The following DPP6 variants were observed in gnomAD, a reference collection of about 807,000 sequenced individuals.
DPP6 encodes the protein A-type potassium channel modulatory protein DPP6.
DPP6 carries 69 observed loss-of-function variants against 122.6 expected under a neutral mutation model. The observed-to-expected ratio is 0.56, with a 90% CI of 0.46 to 0.69. DPP6 has a LOEUF of 0.69. Among genes scored for constraint, DPP6 ranks in the 30% least tolerant of loss-of-function variants. The pLI, the probability that DPP6 is intolerant of heterozygous loss-of-function variation, is 0.00. For synonymous variants in DPP6, 418 were observed against 433.1 expected (o/e 0.97, Z 0.43); for missense variants, 928 against 1,116.9 (o/e 0.83, Z 2.41).
chr7:153,995,588 C>CA (rs55905154), intron 1 of DPP6, among the ~76,000 whole-genome samples: 26,158 of 88,942 alleles, frequency 0.29, 5,045 homozygotes, highest in East Asian at 0.53. Flanking sequence ...GACTCCGTCT[C>CA]AAAAAAAAAA....
intron 1 of DPP6, among the ~76,000 whole-genome samples, chr7:154,068,538 T>C (rs918390593): frequency 3.7e-5 from 4 of 108,156 alleles, no homozygotes; most frequent in Admixed American, 9.6e-5. Context: ...GCAGCTGGTG[T>C]CTGCAGGGAG....
chr7:154,595,015 T>A (rs980103615), intron 5 of DPP6, among the ~76,000 whole-genome samples: 14 of 151,484 alleles, frequency 9.2e-5, no homozygotes, highest in Non-Finnish European at 4.4e-5. Context: ...TATCATTGAT[T>A]TTTTTTTTGG....
At chr7:154,147,071 T>G (rs1470212549) in intron 1 of DPP6, among the ~76,000 whole-genome samples, 1 of 152,160 alleles carries the variant, frequency 6.6e-6, no homozygotes, top group Non-Finnish European at 1.5e-5. Context: ...TGTTTGTCAT[T>G]TCTCCTGTCT....
chr7:154,440,937 G>T (rs1032391299), intron 1 of DPP6, among the ~76,000 whole-genome samples: 1 of 152,186 alleles, frequency 6.6e-6, no homozygotes, highest in Non-Finnish European at 1.5e-5. Flanking sequence ...TTAGGAGGAG[G>T]CTTTGGTTGA....
At chr7:153,838,238 G>A in the DPP6 span, among the ~76,000 whole-genome samples, 1 of 152,132 alleles carries the variant, frequency 6.6e-6, no homozygotes, top group African/African-American at 2.4e-5. Flanking sequence ...CCAAGCAGCA[G>A]TTGACTGTTG....
intron 8 of DPP6, among the ~76,000 whole-genome samples, chr7:154,750,884 G>A (rs903272678): frequency 8.9e-4 from 136 of 152,284 alleles, no homozygotes; most frequent in African/African-American, 3.1e-3. Context: ...GGAGAAGGAC[G>A]GCTCAGGTGA....
chr7:154,311,433 T>C (rs1054817389), intron 1 of DPP6, among the ~76,000 whole-genome samples: 4 of 151,730 alleles, frequency 2.6e-5, no homozygotes, highest in African/African-American at 9.7e-5. Flanking sequence ...GGAGGTCAAG[T>C]TTGCAGTGAG....
intron 3 of DPP6, among the ~76,000 whole-genome samples, chr7:154,502,503 G>A (rs927299319): frequency 6.6e-6 from 1 of 152,122 alleles, no homozygotes; most frequent in African/African-American, 2.4e-5. Flanking sequence ...AGTCTCATGG[G>A]ATCTGAGGGT....
intron 10 of DPP6, among the ~76,000 whole-genome samples, chr7:154,793,218 A>G (rs927785995): frequency 3.3e-5 from 5 of 152,218 alleles, no homozygotes; most frequent in Non-Finnish European, 5.9e-5. Context: ...TAGATAGAGA[A>G]GGGGTGAATG....
chr7:154,827,225 C>A (rs190488096), intron 16 of DPP6, among the ~76,000 whole-genome samples: 75 of 151,686 alleles, frequency 4.9e-4, no homozygotes, highest in African/African-American at 1.6e-3. Context: ...CACACACACA[C>A]TTGAAGACAC....
intron 1 of DPP6, among the ~76,000 whole-genome samples, chr7:154,056,753 T>C (rs1455417465): frequency 6.6e-6 from 1 of 152,232 alleles, no homozygotes; most frequent in African/African-American, 2.4e-5. Flanking sequence ...TTCCTCCACC[T>C]TGGTTTTTCA....
intron 20 of DPP6, among the ~76,000 whole-genome samples, chr7:154,878,147 GC>G (rs1805048395): frequency 6.6e-6 from 1 of 152,186 alleles, no homozygotes; most frequent in South Asian, 2.1e-4. Context: ...GAAGCCCGGG[GC>G]CTCCCCGCCA....
chr7:154,113,769 CATAAG>C (rs1806777675), intron 1 of DPP6, among the ~76,000 whole-genome samples: 1 of 151,142 alleles, frequency 6.6e-6, no homozygotes, highest in Admixed American at 6.6e-5. Context: ...TTATGTACAG[CATAAG>C]ATAAGAGTTC....
At chr7:154,678,197 G>C (rs997045919) in intron 7 of DPP6, among the ~76,000 whole-genome samples, 1 of 152,146 alleles carries the variant, frequency 6.6e-6, no homozygotes, top group East Asian at 1.9e-4. Context: ...GGATGGGGGC[G>C]GGCCAAATAA....
At chr7:154,132,268 G>A (rs191354426) in intron 1 of DPP6, among the ~76,000 whole-genome samples, 1 of 152,150 alleles carries the variant, frequency 6.6e-6, no homozygotes, top group East Asian at 1.9e-4. Flanking sequence ...TATTTCCCTT[G>A]GCTCGCTAAA....
chr7:154,101,396 C>A (rs57630857), intron 1 of DPP6, among the ~76,000 whole-genome samples: 13,859 of 149,256 alleles, frequency 0.093, 706 homozygotes, highest in Middle Eastern at 0.14. Context: ...CCCCTGTCCT[C>A]CTCTCCCTTT....
At chr7:154,287,214 A>T (rs1804912996) in intron 1 of DPP6, among the ~76,000 whole-genome samples, 1 of 152,238 alleles carries the variant, frequency 6.6e-6, no homozygotes, top group African/African-American at 2.4e-5. Flanking sequence ...ATGCAAGCTC[A>T]CTTAGAAGGG....
chr7:154,146,816 G>C (rs908771487), intron 1 of DPP6, among the ~76,000 whole-genome samples: 11 of 148,416 alleles, frequency 7.4e-5, no homozygotes, highest in African/African-American at 2.9e-4. Flanking sequence ...AAGCCGCGCG[G>C]CTGCCAGGCA....
chr7:153,987,886 G>A (rs1439343542), intron 1 of DPP6, among the ~76,000 whole-genome samples: 1 of 152,176 alleles, frequency 6.6e-6, no homozygotes, highest in African/African-American at 2.4e-5. Flanking sequence ...TGAGAGCGAG[G>A]CAGCAGCATA....
Sources: gnomAD v4.1 joint callset for allele counts (sites outside exome capture counted in the v4.1 genomes callset) on GRCh38, gnomAD v4.1.1 for gene constraint, MANE v1.5 for transcripts, NCBI Gene and HGNC (gene_info 2026-07-23, HGNC 2026-07-21) for gene names.